CALN1: variants seen among roughly 807,000 people sequenced by gnomAD.
The protein encoded by CALN1 is calneuron 1.
Under a neutral mutation model 30.6 loss-of-function variants are expected in CALN1, and 17 were observed. The observed-to-expected ratio is 0.56, with a 90% CI of 0.38 to 0.83. CALN1 has a LOEUF of 0.83. CALN1 is among the 40% of genes least tolerant of loss of function. The pLI, the probability that CALN1 is intolerant of heterozygous loss-of-function variation, is 0.00. For missense variants in CALN1, 291 were observed against 354.9 expected, an observed-to-expected ratio of 0.82 and a Z score of 1.45; for synonymous variants, 156 against 131.4, an observed-to-expected ratio of 1.19 and a Z score of -1.28.
At chr7:71,813,134 A>C (rs1307425587) in intron 5 of CALN1, among the ~76,000 whole-genome samples, 4 of 151,968 alleles carry the variant, frequency 2.6e-5, no homozygotes, top group Non-Finnish European at 4.4e-5. Context: ...TTTTTAGTAG[A>C]GACAGGGTCT....
chr7:72,261,713 T>C (rs1796284732), intron 3 of CALN1, among the ~76,000 whole-genome samples: 1 of 152,088 alleles, frequency 6.6e-6, no homozygotes, highest in Non-Finnish European at 1.5e-5. Context: ...TAGGCATGAA[T>C]CACCACACCC....
chr7:72,166,009 C>T (rs988750768), intron 3 of CALN1, among the ~76,000 whole-genome samples: 1 of 152,122 alleles, frequency 6.6e-6, no homozygotes, highest in African/African-American at 2.4e-5. Context: ...ATTTTCCGAA[C>T]CTCCTTCTCC....
chr7:72,405,424 G>A (rs890248377), intron 1 of CALN1, among the ~76,000 whole-genome samples: 2 of 152,134 alleles, frequency 1.3e-5, no homozygotes, highest in African/African-American at 4.8e-5. Flanking sequence ...TATGGTGGAA[G>A]GCAAAGGGCA....
In CALN1 at chr7:71,798,174, AG is replaced by A. The variant is rs1174368535; in HGVS notation, c.659-10273del. Among the ~76,000 whole-genome samples, 73 of 132,160 alleles carry A rather than the reference AG, an allele frequency of 5.5e-4. 1 individual carries two copies. Among genetic ancestry groups the A allele is most frequent in the Admixed American group, 3.9e-3 (50 of 12,722 alleles). 86.7% of individuals were successfully genotyped at this position (132,160 alleles called of 152,430 possible). A position where few individuals can be genotyped will look rare whatever the true frequency, so the allele number is the denominator to read the frequency against. ...GAGAGAGAGAGAGAGAGAGAGAGAG[AG>A]ATGTTGCTTGAGCTCTTTGAGTCCA... is the stretch of plus-strand genomic sequence containing the variant. On this transcript the variant is annotated intron_variant, in intron 6 of 6. Transcript: ENST00000395275.
intron 3 of CALN1, among the ~76,000 whole-genome samples, chr7:72,174,754 G>A (rs938655881): frequency 6.6e-6 from 1 of 152,282 alleles, no homozygotes; most frequent in Non-Finnish European, 1.5e-5. Context: ...GTGACAACAT[G>A]GAGGAAGGAA....
chr7:72,122,764 G>A (rs747002081), intron 3 of CALN1, among the ~76,000 whole-genome samples: 7 of 152,010 alleles, frequency 4.6e-5, no homozygotes, highest in Non-Finnish European at 1.0e-4. Context: ...GTTTATCTTC[G>A]GATCATTCAA....
At chr7:72,408,876 C>T (rs1406522697) in intron 1 of CALN1, among the ~76,000 whole-genome samples, 2 of 151,746 alleles carry the variant, frequency 1.3e-5, no homozygotes. Context: ...TGCAGTTTCA[C>T]CATGTTGCCC....
At chr7:72,121,318 T>C (rs1019586144) in intron 3 of CALN1, among the ~76,000 whole-genome samples, 1 of 144,228 alleles carries the variant, frequency 6.9e-6, no homozygotes, top group Non-Finnish European at 1.5e-5. Context: ...TAAGTGAATA[T>C]ATAAATTAAA....
chr7:72,206,758 C>T (rs908154300), intron 3 of CALN1, among the ~76,000 whole-genome samples: 6 of 152,172 alleles, frequency 3.9e-5, no homozygotes, highest in Non-Finnish European at 8.8e-5. Flanking sequence ...TCTCCTTTCA[C>T]ATTGCAGATT....
At chr7:72,212,124 G>A (rs951422608) in intron 3 of CALN1, among the ~76,000 whole-genome samples, 32 of 152,046 alleles carry the variant, frequency 2.1e-4, no homozygotes, top group Admixed American at 1.5e-3. Context: ...AGGCCAAGGC[G>A]GGCAGATAAG....
At chr7:72,411,442 T>G (rs111247448) in intron 1 of CALN1, among the ~76,000 whole-genome samples, 14 of 152,276 alleles carry the variant, frequency 9.2e-5, no homozygotes, top group African/African-American at 3.1e-4. Context: ...AATTTTAAGG[T>G]TAAGTAAAAA....
At chr7:72,347,059 A>T (rs1408398310) in intron 2 of CALN1, among the ~76,000 whole-genome samples, 1 of 152,128 alleles carries the variant, frequency 6.6e-6, no homozygotes, top group African/African-American at 2.4e-5. Context: ...AAGTTTGAAA[A>T]GGAAAGGGGA....
In CALN1 at chr7:71,827,775, A is replaced by AAAAAAAATAAAT. The variant is rs1554347603; in HGVS notation, c.502-17284_502-17283insATTTATTTTTTT. The stretch of plus-strand genomic sequence containing the variant: ...TGACAGAGTGAGACTCCATCTTAAA[A>AAAAAAAATAAAT]AAATAAATAAATAAATAAATAAATA... On this transcript the variant is annotated intron_variant, in intron 5 of 6. Transcript: ENST00000395275. Among the ~76,000 whole-genome samples the AAAAAAAATAAAT allele has an allele frequency of 4.3e-4, 61 of 140,336 alleles. 1 individual carries two copies. The highest frequency in any genetic ancestry group is 3.0e-3 in the East Asian group (14 of 4,648). The allele number at this position is 140,336 out of a possible 152,430, so 92.1% of individuals were successfully genotyped here.
chr7:72,106,142 G>A lies in CALN1; in HGVS notation c.388+9C>T, dbSNP rs376790448. On this transcript the variant is annotated intron_variant, in intron 4 of 6. Transcript: ENST00000395275. ...GTCTCAGGGGAGAAGCTGCTTGTCC[G>A]GGTCTTACCGTCCATGTCCAAGCGC... The A allele has an allele frequency of 8.7e-6, 14 of 1,612,694 alleles. No homozygotes were observed. In the South Asian group the frequency reaches 8.8e-5, roughly 10 times the overall value.
At chr7:72,054,440 TATATATACATATATATAC>T (rs1803067142) in intron 4 of CALN1, among the ~76,000 whole-genome samples, 3 of 77,842 alleles carry the variant, frequency 3.9e-5, no homozygotes, top group African/African-American at 1.3e-4. Flanking sequence ...CACGTATATA[TATATATACATATATATAC>T]ATATATATAC....
At chr7:72,032,627 G>T (rs189450969) in intron 4 of CALN1, among the ~76,000 whole-genome samples, 152 of 152,324 alleles carry the variant, frequency 1.0e-3, no homozygotes, top group African/African-American at 3.5e-3. Context: ...TCCTATCTGG[G>T]TGTTTAGGAA....
Position 72,213,882 on chromosome 7 carries a change from G to A in CALN1, c.244+64804C>T, listed in dbSNP as rs190205975. On this transcript the variant is annotated intron_variant, in intron 3 of 6. Coordinates refer to ENST00000395275, the MANE Select transcript of CALN1 (RefSeq NM_031468.4). ...GCTCCGTAGCTTCTTGCATTTCAGG[G>A]GCAACCTTAAAGTGAGAGACCAGGG... Among the ~76,000 whole-genome samples, 625 of 152,252 alleles carry A rather than the reference G, an allele frequency of 4.1e-3. 4 individuals carry two copies. The highest frequency in any genetic ancestry group is 5.7e-3 in the Admixed American group (87 of 15,280).
intron 3 of CALN1, among the ~76,000 whole-genome samples, chr7:72,199,152 G>A (rs953343184): frequency 1.3e-5 from 2 of 152,138 alleles, no homozygotes; most frequent in Non-Finnish European, 2.9e-5. Flanking sequence ...GTGGGCGCCT[G>A]TAATCCAAGT....
chr7:71,962,361 C>T (rs927865877), intron 5 of CALN1, among the ~76,000 whole-genome samples: 1 of 152,146 alleles, frequency 6.6e-6, no homozygotes, highest in African/African-American at 2.4e-5. Flanking sequence ...TATGATGGCA[C>T]CACTGCACTG....
Sources: allele counts gnomAD v4.1 joint callset (sites outside exome capture counted in the v4.1 genomes callset), GRCh38; gene constraint gnomAD v4.1.1; transcripts MANE v1.5; gene names NCBI Gene and HGNC (gene_info 2026-07-23, HGNC 2026-07-21).